Variants in PRDM9 observed in about 807,000 individuals in gnomAD.
PRDM9 encodes histone-lysine N-methyltransferase PRDM9.
In PRDM9, 47 loss-of-function variants were observed where a neutral mutation model predicts 55.6. The observed-to-expected ratio is 0.85, with a 90% CI of 0.67 to 1.08. The LOEUF is 1.08. PRDM9 is among the 50% of genes least tolerant of loss of function. The pLI, the probability that PRDM9 is intolerant of heterozygous loss-of-function variation, is 0.00. For synonymous variants in PRDM9, 312 were observed against 375.7 expected (o/e 0.83, Z 1.96); for missense variants, 867 against 1,040.3 (o/e 0.83, Z 2.29).
rs764735588 is a variant in PRDM9, at chr5:23,509,092, G to A, written c.59G>A (p.Arg20Gln). ...GAAGAAGACACAGAGAGAACAGAGC[G>A]GAAGCCCATGGTGAGAAGTGGAGGA... Reference protein sequence around the residue: ...SPEEDTERTERKPMVKDAFKD... With the variant: ...SPEEDTERTEQKPMVKDAFKD... The change falls in exon 2 of 11, where the codon CGG becomes CAG. Residue 20 changes from arginine (R) to glutamine (Q), a missense_variant. This residue lies in a region of PRDM9 where 662 missense variants were observed against 711.9 expected (regional missense o/e 0.93). Coordinates refer to ENST00000296682, the MANE Select transcript of PRDM9 (RefSeq NM_020227.4). 60 of 1,613,962 alleles carry A rather than the reference G, an allele frequency of 3.7e-5. No individual in the cohort carries two copies. Among genetic ancestry groups the A allele is most frequent in the Admixed American group, 3.2e-4 (19 of 60,000 alleles).
At chr5:23,519,151 C>T (rs1739277429) in intron 5 of PRDM9, among the ~76,000 whole-genome samples, 1 of 152,134 alleles carries the variant, frequency 6.6e-6, no homozygotes, top group Admixed American at 6.5e-5. Flanking sequence ...CCTCCATCTC[C>T]TAGATTAGTG....
In PRDM9 at chr5:23,519,099, G is replaced by A. The variant is rs181204309; in HGVS notation, c.351+1169G>A. Among the ~76,000 whole-genome samples the A allele has an allele frequency of 1.9e-3, 293 of 152,178 alleles. 1 individual carries two copies. Among genetic ancestry groups the A allele is most frequent in the Admixed American group, 4.9e-3 (75 of 15,282 alleles). ...ATTTGAGACAGAGTCTGGCTCTTTC[G>A]CCCAGGCTGGAGTGCAATGACTCAA... On this transcript the variant is annotated intron_variant, in intron 5 of 10. Transcript: ENST00000296682.
At chr5:23,520,516 G>A (rs1739308829) in intron 5 of PRDM9, among the ~76,000 whole-genome samples, 1 of 151,820 alleles carries the variant, frequency 6.6e-6, no homozygotes, top group African/African-American at 2.4e-5. Context: ...TTCTTTCCAG[G>A]ATATGGCAAC....
chr5:23,520,902 C>T (rs2126424517), intron 5 of PRDM9, 121 bp from the exon 6 acceptor site: 1 of 1,156,158 alleles, frequency 8.6e-7, no homozygotes, highest in East Asian at 2.5e-5. Context: ...AGTATTTAGA[C>T]ACTCTAGGTA....
At chr5:23,510,133 C>T in intron 4 of PRDM9, 106 bp downstream of exon 4, 2 of 1,097,328 alleles carry the variant, frequency 1.8e-6, no homozygotes, top group Admixed American at 2.3e-5. Context: ...TGGCTCACTG[C>T]AATCTCCACC....
intron 6 of PRDM9, 75 bp downstream of exon 6, chr5:23,521,254 G>A (rs1739323579): frequency 3.2e-6 from 5 of 1,561,680 alleles, no homozygotes; most frequent in Non-Finnish European, 4.4e-6. Context: ...GTCTACCTAT[G>A]TGGGGTGGAC....
intron 4 of PRDM9, among the ~76,000 whole-genome samples, 195 bp from the exon 5 acceptor site, chr5:23,517,686 C>G (rs560415481): frequency 1.3e-5 from 2 of 152,216 alleles, no homozygotes; most frequent in East Asian, 3.9e-4. Flanking sequence ...ACTCACAAGG[C>G]TGAGGCAGGA....
At position 23,526,548 on chromosome 5, in the gene PRDM9, G is replaced by A. The variant is rs1561022425; in HGVS notation, c.1460G>A (p.Cys487Tyr). 2.5e-6 allele frequency: 4 copies of A among 1,614,216 alleles called. No individual in the cohort carries two copies. The highest frequency in any genetic ancestry group is 2.7e-5 in the African/African-American group (2 of 75,072). ...CCACCCAAAGGACAAATGGGGAGCT[G>A]TAGAGTGGGAAAAAGAATAATGGAA... ...SSPPKGQMGSCRVGKRIMEEE... is the reference protein window; with the variant it reads ...SSPPKGQMGSYRVGKRIMEEE... The change falls in exon 11 of 11, where the codon TGT (cysteine) becomes TAT (tyrosine). Residue 487 changes from cysteine to tyrosine, a missense_variant. Cys to Tyr is a radical substitution (Grantham distance 194, BLOSUM62 -2). Coordinates refer to ENST00000296682, the MANE Select transcript of PRDM9 (RefSeq NM_020227.4).
Position 23,527,994 on chromosome 5 carries a change from A to G in PRDM9, c.*221A>G, listed in dbSNP as rs1282648803. Reference sequence around the variant, plus strand: ...GGATAGTTCTGTAAGTGTTCGGGGGACATCAGCATGTGTGGTTCTTTCCCG... The same window carrying G: ...GGATAGTTCTGTAAGTGTTCGGGGGGCATCAGCATGTGTGGTTCTTTCCCG... On this transcript the variant is annotated 3_prime_UTR_variant, in exon 11 of 11. Coordinates refer to ENST00000296682, the MANE Select transcript of PRDM9 (RefSeq NM_020227.4). 1 of 676,912 alleles carries G rather than the reference A, an allele frequency of 1.5e-6. No homozygotes were observed. The highest frequency in any genetic ancestry group is 2.5e-6 in the Non-Finnish European group (1 of 399,428). 41.9% of individuals were successfully genotyped at this position (676,912 alleles called of 1,614,324 possible).
rs576080071 is a variant in PRDM9 at position 23,528,002 on chromosome 5, A to G, written c.*229A>G. The G allele has an allele frequency of 1.1e-5, 7 of 663,068 alleles. No individual in the cohort carries two copies. Among genetic ancestry groups the G allele is most frequent in the South Asian group, 7.4e-5 (4 of 54,142 alleles). The allele number at this position is 663,068 out of a possible 1,614,324, so 41.1% of individuals were successfully genotyped here. ...CTGTAAGTGTTCGGGGGACATCAGC[A>G]TGTGTGGTTCTTTCCCGCACTGATC... On this transcript the variant is annotated 3_prime_UTR_variant, in exon 11 of 11. Transcript: ENST00000296682.
At position 23,509,651 on chromosome 5, in the gene PRDM9, C is replaced by T. The variant is rs965062918; in HGVS notation, c.193+58C>T. 34 of 1,612,526 alleles carry T rather than the reference C, an allele frequency of 2.1e-5. No individual in the cohort carries two copies. The African/African-American group carries it at 4.3e-4, about 20-fold the overall frequency. On this transcript the variant is annotated intron_variant, in intron 3 of 10. Transcript: ENST00000296682. ...GGAGACATAAAACAGGTCTTTGGTC[C>T]CTATATTATTTTAGTTCTCAGGTGG...
rs376760285 is a variant in PRDM9 at position 23,523,299 on chromosome 5, G to A, written c.891G>A (p.Lys297=). The change falls in exon 9 of 11, where the codon AAG becomes AAA. Residue 297 remains lysine, a synonymous_variant. Transcript: ENST00000296682. ...ANNGYSWLIT[K]GRNCYEYVDG... ...GTTTTTCTGAAACTCAGATCACCAA[G>A]GGGAGAAACTGCTATGAGTATGTGG... 7.4e-6 allele frequency: 12 copies of A among 1,613,502 alleles called. No homozygotes were observed. The highest frequency in any genetic ancestry group is 8.5e-6 in the Non-Finnish European group (10 of 1,179,526).
chr5:23,526,221 T>A lies in PRDM9; in HGVS notation c.1145-12T>A, dbSNP rs2126434223. On this transcript the variant is annotated splice_polypyrimidine_tract_variant and intron_variant, in intron 10 of 10. Transcript: ENST00000296682. ...CAAAACATCTACCCTGACCAAAAAC[T>A]TCCTCTTTCAGAACCAAAGCCAGAG... 1 of 1,613,376 alleles carries A rather than the reference T, an allele frequency of 6.2e-7. No homozygotes were observed. Among genetic ancestry groups the A allele is most frequent in the African/African-American group, 1.3e-5 (1 of 75,026 alleles).
At chr5:23,524,001 A>G (rs1406834241) in intron 9 of PRDM9, among the ~76,000 whole-genome samples, 8 of 152,168 alleles carry the variant, frequency 5.3e-5, no homozygotes, top group Admixed American at 5.2e-4. Flanking sequence ...GTGGTATAAA[A>G]CAGAATTAAT....
At position 23,522,389 on chromosome 5, in the gene PRDM9, G is replaced by A. The variant is rs1739344570; in HGVS notation, c.594G>A (p.Gln198=). Residue 198 remains glutamine, a synonymous_variant, in exon 7 of 11, where the codon CAG becomes CAA. Transcript: ENST00000296682. Reference sequence around the variant, plus strand: ...CATACAAAGAGGTCAGCGAGCCGCAGGATGATGATTACCTCTGTAAGTGAC... The same window carrying A: ...CATACAAAGAGGTCAGCGAGCCGCAAGATGATGATTACCTCTGTAAGTGAC... ...GHAYKEVSEP[Q]DDDYLYCEMC... The A allele has an allele frequency of 6.2e-7, 1 of 1,613,924 alleles. No individual in the cohort carries two copies. The highest frequency in any genetic ancestry group is 1.1e-5 in the South Asian group (1 of 91,074).
In PRDM9 at chr5:23,522,640, A is replaced by C. The variant is rs534035629; in HGVS notation, c.637A>C (p.Ile213Leu). The part of the protein sequence containing the change: ...LYCEMCQNFF[I>L]DSCAAHGPPT... ...TTGTGAGATGTGTCAGAACTTCTTC[A>C]TTGACAGCTGTGCTGCCCATGGGCC... The change falls in exon 8 of 11, where the codon ATT (isoleucine) becomes CTT (leucine). Residue 213 changes from isoleucine (I) to leucine (L), a missense_variant. Ile to Leu is a conservative substitution (Grantham distance 5). Around this residue, in one of 5 missense-constraint regions of PRDM9, gnomAD observed 662 missense variants for 711.9 expected, o/e 0.93. Transcript: ENST00000296682. 1 of 1,614,080 alleles carries C rather than the reference A, an allele frequency of 6.2e-7. No individual in the cohort carries two copies. Among genetic ancestry groups the C allele is most frequent in the African/African-American group, 1.3e-5 (1 of 74,926 alleles).
intron 4 of PRDM9, among the ~76,000 whole-genome samples, chr5:23,511,408 C>T (rs1280173164): frequency 6.6e-6 from 1 of 152,090 alleles, no homozygotes. Context: ...TGCAGTGGCA[C>T]AATATCAGCT....
chr5:23,523,230 A>T, intron 8 of PRDM9, 61 bp from the exon 9 acceptor site: 9 of 1,550,772 alleles, frequency 5.8e-6, no homozygotes, highest in Non-Finnish European at 8.0e-6. Context: ...ACAGTGGAGT[A>T]AAATAATTCT....
rs1251212545 is a variant in PRDM9, at chr5:23,526,385, G to A, written c.1297G>A (p.Gly433Arg). 6.2e-7 allele frequency: 1 copy of A among 1,614,066 alleles called. No homozygotes were observed. The highest frequency in any genetic ancestry group is 2.2e-5 in the East Asian group (1 of 44,878). The change falls in exon 11 of 11, where the codon GGG becomes AGG. Residue 433 changes from glycine to arginine, a missense_variant. Around this residue, in one of 5 missense-constraint regions of PRDM9, gnomAD observed 662 missense variants for 711.9 expected, o/e 0.93. Transcript: ENST00000296682. ...KLLQPENPCPGDQNQEQQYPD... is the reference protein window; with the variant it reads ...KLLQPENPCPRDQNQEQQYPD... The stretch of plus-strand genomic sequence containing the variant: ...CCTCCAACCAGAGAATCCCTGCCCA[G>A]GGGATCAGAATCAGGAGCAGCAATA...
Sources: allele counts gnomAD v4.1 joint callset (sites outside exome capture counted in the v4.1 genomes callset), GRCh38; gene constraint gnomAD v4.1.1; regional missense constraint gnomAD v4.1.1; transcripts MANE v1.5; gene names NCBI Gene and HGNC (gene_info 2026-07-23, HGNC 2026-07-21).